The following SATB1 variants were observed in gnomAD, a reference collection of about 807,000 sequenced individuals.
SATB1 encodes the protein DNA-binding protein SATB1.
A neutral mutation model predicts 86.9 loss-of-function variants in SATB1; 11 were observed. The ratio of observed to expected loss-of-function variants is 0.13; its 90% CI spans 0.08 to 0.21. SATB1 has a LOEUF of 0.21. SATB1 is among the 10% of genes least tolerant of loss of function. The probability of loss-of-function intolerance (pLI) is 1.00; values close to 1 mark genes in which losing one functional copy is unlikely to be tolerated. For synonymous variants in SATB1, 357 were observed against 357.2 expected, an observed-to-expected ratio of 1.00 and a Z score of 0.01; for missense variants, 551 against 937.6, an observed-to-expected ratio of 0.59 and a Z score of 5.39.
chr3:18,441,993 A>G (rs1699254585), upstream of SATB1, among the ~76,000 whole-genome samples: 1 of 152,178 alleles, frequency 6.6e-6, no homozygotes, highest in Non-Finnish European at 1.5e-5. Flanking sequence ...TTATCAACCA[A>G]AGAATATATT....
In SATB1 at chr3:18,352,936, C is replaced by T. The variant is rs1694444601; in HGVS notation, c.1576-741G>A. ...GCACCTCTCTGATGTTTCCAAGGCC[C>T]AGTTTTTTTACCCTGAGGTTATCTA... On this transcript the variant is annotated intron_variant, in intron 9 of 10. Transcript: ENST00000338745. This position sits in a 1 kb window ranked among gnomAD's most constrained non-coding sequence, Gnocchi z 4.1. 1.2e-5 allele frequency: 1 copy of T among 86,328 alleles called. No homozygotes were observed. Among genetic ancestry groups the T allele is most frequent in the African/African-American group, 4.8e-5 (1 of 20,852 alleles). 5.3% of individuals were successfully genotyped at this position (86,328 alleles called of 1,614,324 possible). A position where few individuals can be genotyped will look rare whatever the true frequency, so the allele number is the denominator to read the frequency against.
At chr3:18,363,500 C>G (rs536162600) in intron 9 of SATB1, among the ~76,000 whole-genome samples, 1 of 152,238 alleles carries the variant, frequency 6.6e-6, no homozygotes, top group South Asian at 2.1e-4. Context: ...GTCTCAATCA[C>G]TCCTCTGACC....
intron 1 of SATB1, 195 bp from the exon 2 acceptor site, chr3:18,421,186 A>G: frequency 3.8e-6 from 2 of 522,034 alleles, no homozygotes; most frequent in Non-Finnish European, 6.8e-6. Flanking sequence ...AATTAACAAA[A>G]TGATCTGTGG....
At chr3:18,437,886 A>G (rs1038549435) in intron 1 of SATB1, among the ~76,000 whole-genome samples, 1 of 152,160 alleles carries the variant, frequency 6.6e-6, no homozygotes, top group Admixed American at 6.5e-5. Flanking sequence ...TACTTCATTC[A>G]TTGATAAAAT....
At chr3:18,408,862 G>T (rs1452536503) in intron 5 of SATB1, 1 of 151,916 alleles carries the variant, frequency 6.6e-6, no homozygotes, top group African/African-American at 2.4e-5. Flanking sequence ...AAATCAGTTT[G>T]AGTAGCATGA....
intron 5 of SATB1, among the ~76,000 whole-genome samples, chr3:18,412,517 T>C (rs549038042): frequency 2.0e-5 from 3 of 152,064 alleles, no homozygotes; most frequent in Admixed American, 1.3e-4. Context: ...AAACCCTTAC[T>C]GTACAGTAAA....
At chr3:18,351,034 GCTTT>G (rs1197748640) in intron 10 of SATB1, 2 of 419,058 alleles carry the variant, frequency 4.8e-6, no homozygotes, top group Non-Finnish European at 8.9e-6. Flanking sequence ...ATGACAACAC[GCTTT>G]CTAAGCAACT....
At position 18,392,972 on chromosome 3, in the gene SATB1, C is replaced by CAA. The variant is rs35399493; in HGVS notation, c.1206+1488_1206+1489dup. 5.0e-3 allele frequency among the ~76,000 whole-genome samples: 579 copies of CAA among 114,790 alleles called. 9 individuals are homozygous for CAA. Among genetic ancestry groups the CAA allele is most frequent in the East Asian group, 0.045 (191 of 4,216 alleles). 75.3% of individuals were successfully genotyped at this position (114,790 alleles called of 152,430 possible). Reference sequence around the variant, plus strand: ...GCCTTTTCAAAAACAGACGAACGTACAAAAAAAAAAAAAAAGATGAATCGA... The same window carrying CAA: ...GCCTTTTCAAAAACAGACGAACGTACAAAAAAAAAAAAAAAAAGATGAATCGA... On this transcript the variant is annotated intron_variant, in intron 7 of 10. Transcript: ENST00000338745.
intron 1 of SATB1, among the ~76,000 whole-genome samples, chr3:18,438,110 A>C (rs760407615): frequency 1.3e-5 from 2 of 152,192 alleles, no homozygotes; most frequent in African/African-American, 2.4e-5. Flanking sequence ...ATTACAATAA[A>C]ATATTTATAA....
intron 2 of SATB1, chr3:18,417,315 G>A: frequency 1.7e-6 from 1 of 574,620 alleles, no homozygotes; most frequent in Admixed American, 3.5e-5. Context: ...AAGGTAAGCT[G>A]TGCTCTAAAT....
chr3:18,394,492 T>C lies in SATB1; in HGVS notation c.1176A>G (p.Val392=). ...ELKRAGISQA[V]FARVAFNRTQ... Reference sequence around the variant, plus strand: ...TTCTGTTAAAAGCCACACGTGCAAATACCGCCTGGGAGATTCCTGCTCGTT... The same window carrying C: ...TTCTGTTAAAAGCCACACGTGCAAACACCGCCTGGGAGATTCCTGCTCGTT... Residue 392 remains valine, a synonymous_variant, in exon 7 of 11, where the codon GTA becomes GTG. Transcript: ENST00000338745. This position sits in a 1 kb window ranked among gnomAD's most constrained non-coding sequence, Gnocchi z 5.9. 2 of 1,614,164 alleles carry C rather than the reference T, an allele frequency of 1.2e-6. No homozygotes were observed. The highest frequency in any genetic ancestry group is 1.3e-5 in the African/African-American group (1 of 75,042).
At chr3:18,379,921 C>T (rs1695960181) in intron 8 of SATB1, among the ~76,000 whole-genome samples, 1 of 152,170 alleles carries the variant, frequency 6.6e-6, no homozygotes, top group Admixed American at 6.5e-5. Context: ...TAAGCAAGGG[C>T]ACTCATAGAG....
At chr3:18,417,590 A>G (rs1698182430) in intron 2 of SATB1, 1 of 660,716 alleles carries the variant, frequency 1.5e-6, no homozygotes. Flanking sequence ...TTAGATATTA[A>G]CTCTAACTGG....
At chr3:18,402,476 A>C (rs995392667) in intron 5 of SATB1, among the ~76,000 whole-genome samples, 1 of 152,142 alleles carries the variant, frequency 6.6e-6, no homozygotes, top group African/African-American at 2.4e-5. Flanking sequence ...GTCAAAAAAC[A>C]GTTAACCCCC....
At chr3:18,407,336 T>C (rs1213150760) in intron 5 of SATB1, among the ~76,000 whole-genome samples, 1 of 152,052 alleles carries the variant, frequency 6.6e-6, no homozygotes, top group Non-Finnish European at 1.5e-5. Context: ...AGTTATAATA[T>C]AGTCTTTTAA....
intron 9 of SATB1, among the ~76,000 whole-genome samples, chr3:18,354,545 T>C (rs1694536001): frequency 6.6e-6 from 1 of 151,272 alleles, no homozygotes; most frequent in Non-Finnish European, 1.5e-5. Context: ...CATCCAAGAA[T>C]TTTTTTTTAG....
chr3:18,346,785 T>A lies in SATB1; in HGVS notation c.*2385A>T, dbSNP rs1024795422. 2 of 152,174 alleles carry A rather than the reference T, an allele frequency of 1.3e-5. No individual in the cohort carries two copies. The highest frequency in any genetic ancestry group is 2.9e-5 in the Non-Finnish European group (2 of 68,006). The allele number at this position is 152,174 out of a possible 1,614,324, so 9.4% of individuals were successfully genotyped here. A position where few individuals can be genotyped will look rare whatever the true frequency, so the allele number is the denominator to read the frequency against. On this transcript the variant is annotated 3_prime_UTR_variant, in exon 11 of 11. Coordinates refer to ENST00000338745, the MANE Select transcript of SATB1 (RefSeq NM_002971.6). ...ATTTAGGTTATTAGGAATTGGAAAG[T>A]TATTTGCAACCCAAACTTAGGGGAT... is the stretch of plus-strand genomic sequence containing the variant.
At chr3:18,432,574 C>G (rs1698922173) in intron 2 of SATB1, among the ~76,000 whole-genome samples, 1 of 152,158 alleles carries the variant, frequency 6.6e-6, no homozygotes. Flanking sequence ...TGCTTCACAC[C>G]TGGACAATAA....
At position 18,400,072 on chromosome 3, in the gene SATB1, G is replaced by A. The variant is rs982357911; in HGVS notation, c.640-2782C>T. Among the ~76,000 whole-genome samples, 59 of 152,044 alleles carry A rather than the reference G, an allele frequency of 3.9e-4. 1 individual carries two copies. Among genetic ancestry groups the A allele is most frequent in the African/African-American group, 1.4e-3 (59 of 41,396 alleles). ...CATTTGAAAAATCATATACAGTAGT[G>A]TAATCTTAAATTTAGAATATCAGGA... On this transcript the variant is annotated intron_variant, in intron 5 of 10. Coordinates refer to ENST00000338745, the MANE Select transcript of SATB1 (RefSeq NM_002971.6).
Sources: allele counts gnomAD v4.1 joint callset (sites outside exome capture counted in the v4.1 genomes callset), GRCh38; gene constraint gnomAD v4.1.1; non-coding constraint Gnocchi (gnomAD v3.1); transcripts MANE v1.5; gene names NCBI Gene and HGNC (gene_info 2026-07-23, HGNC 2026-07-21).